F8: variants seen among roughly 807,000 people sequenced by gnomAD.
F8 encodes the protein antihemophilic factor.
F8 carries 12 observed loss-of-function variants against 140.6 expected under a neutral mutation model. The observed-to-expected ratio is 0.09, with a 90% CI of 0.05 to 0.14. The LOEUF (loss-of-function observed/expected upper bound fraction) is 0.14, where lower values mean the gene tolerates loss of function less well. Among genes scored for constraint, F8 ranks in the 10% least tolerant of loss-of-function variants. The pLI is 1.00. For missense variants in F8, 1,354 were observed against 1,720.7 expected (o/e 0.79, Z 3.77); for synonymous variants, 585 against 614.6 (o/e 0.95, Z 0.71).
chrX:154,963,185 T>C (rs188535484), intron 9 of F8, among the ~76,000 whole-genome samples: 240 of 111,674 alleles, frequency 2.1e-3, no homozygotes, highest in Middle Eastern at 0.014. Flanking sequence ...AGGTATTTTA[T>C]TCTCTTTGAA....
chrX:154,900,704 T>A (rs145055431), intron 20 of F8, among the ~76,000 whole-genome samples: 109 of 112,074 alleles, frequency 9.7e-4, no homozygotes, highest in African/African-American at 3.4e-3. Context: ...TTTTTTTACC[T>A]CACAACAACA....
intron 13 of F8, among the ~76,000 whole-genome samples, chrX:154,934,235 A>C (rs782251405): frequency 8.9e-6 from 1 of 112,135 alleles, no homozygotes; most frequent in Admixed American, 9.5e-5. Context: ...GTGGATGCTC[A>C]TGGCTGGCAG....
intron 25 of F8, among the ~76,000 whole-genome samples, chrX:154,842,342 A>C (rs1470498505): frequency 9.0e-6 from 1 of 110,722 alleles, no homozygotes; most frequent in African/African-American, 3.3e-5. Flanking sequence ...TACTTCATTT[A>C]CTTCATATCT....
chrX:154,921,435 T>TA (rs1462989742), intron 14 of F8, among the ~76,000 whole-genome samples: 6 of 112,104 alleles, frequency 5.4e-5, no homozygotes, highest in African/African-American at 1.9e-4. Flanking sequence ...TTGGTGGGAC[T>TA]GTAAACTAGT....
intron 14 of F8, chrX:154,919,536 A>G (rs1377577267): frequency 3.2e-6 from 2 of 621,260 alleles, no homozygotes; most frequent in Admixed American, 8.1e-5. Flanking sequence ...AAACTTGGGC[A>G]GCAGACAATC....
chrX:154,988,821 A>G (rs1168300410), intron 4 of F8, among the ~76,000 whole-genome samples: 4 of 111,735 alleles, frequency 3.6e-5, no homozygotes, highest in African/African-American at 1.3e-4. Context: ...AGCTGTGCTC[A>G]GCTCTCTTTC....
chrX:154,896,230 C>T lies in F8; in HGVS notation c.6276G>A (p.Val2092=), dbSNP rs199522131. The T allele has an allele frequency of 3.8e-5, 46 of 1,207,983 alleles. No homozygotes were observed. In the Admixed American group the frequency reaches 8.8e-4, roughly 23 times the overall value. The stretch of plus-strand genomic sequence containing the variant: ...GAATAATCATTGGTGCCAACAGATC[C>T]ACCTACCAATTAAAATAACACTTTA... ...STKEPFSWIK[V]DLLAPMIIHG... is the part of the protein sequence containing the mutation. Residue 2092 remains valine (V), a splice_region_variant and synonymous_variant, in exon 22 of 26, where the codon GTG becomes GTA. Coordinates refer to ENST00000360256, the MANE Select transcript of F8 (RefSeq NM_000132.4).
chrX:154,854,299 C>T (rs1200169081), intron 25 of F8, among the ~76,000 whole-genome samples: 2 of 112,306 alleles, frequency 1.8e-5, no homozygotes, highest in African/African-American at 6.5e-5. Flanking sequence ...GCAGATTGTT[C>T]TCCCCAGTGT....
rs782126680 is a variant in F8, at chrX:154,969,545, A to G, written c.795T>C (p.Ile265=). 4 of 1,207,529 alleles carry G rather than the reference A, an allele frequency of 3.3e-6. No individual in the cohort carries two copies. The South Asian group carries it at 7.0e-5, about 21-fold the overall frequency. Residue 265 remains isoleucine, a synonymous_variant, in exon 7 of 26, where the codon ATT becomes ATC. Transcript: ENST00000360256. ...AATAGACTGATTTCCTGTGGCATCC[A>G]ATCAGACCTGTAAAGTAGGAATAAG... The part of the protein sequence containing the change: ...GYVNRSLPGL[I]GCHRKSVYWH...
At chrX:155,017,502 G>T (rs1011648094) in intron 1 of F8, among the ~76,000 whole-genome samples, 1 of 112,102 alleles carries the variant, frequency 8.9e-6, no homozygotes, top group South Asian at 3.7e-4. Context: ...AAAATCATAC[G>T]TCTAGATTAT....
chrX:155,002,446 C>T (rs2073651578), intron 1 of F8, among the ~76,000 whole-genome samples: 1 of 111,584 alleles, frequency 9.0e-6, no homozygotes, highest in South Asian at 3.8e-4. Flanking sequence ...TGTGGGTGGG[C>T]ATTATCCATT....
At chrX:154,928,436 TTCTC>T (rs1557278243) in intron 14 of F8, 131 bp downstream of exon 14, 2 of 578,209 alleles carry the variant, frequency 3.5e-6, no homozygotes, top group South Asian at 2.7e-5. Context: ...TAAACCTCTC[TTCTC>T]TCTATCTCAC....
At chrX:155,003,663 A>C (rs2073660068) in intron 1 of F8, among the ~76,000 whole-genome samples, 1 of 111,824 alleles carries the variant, frequency 8.9e-6, no homozygotes, top group Admixed American at 9.5e-5. Context: ...GAGAATACCA[A>C]AGAAGATGGA....
At chrX:154,925,196 G>A (rs1557277966) in intron 14 of F8, among the ~76,000 whole-genome samples, 1 of 112,371 alleles carries the variant, frequency 8.9e-6, no homozygotes, top group Non-Finnish European at 1.9e-5. Flanking sequence ...GAAACTGAAT[G>A]CCCTTAATAG....
intron 10 of F8, among the ~76,000 whole-genome samples, chrX:154,959,299 T>C (rs76063559): frequency 0.078 from 8,602 of 110,801 alleles, 275 homozygotes; most frequent in Non-Finnish European, 0.093. Context: ...AGTGGGAGGA[T>C]AGCCTGAGCC....
intron 14 of F8, among the ~76,000 whole-genome samples, chrX:154,908,303 G>C (rs935187695): frequency 1.8e-5 from 2 of 112,180 alleles, no homozygotes; most frequent in Non-Finnish European, 3.8e-5. Context: ...TTACCTGTTT[G>C]ATTATCCCTA....
At chrX:154,995,220 G>A (rs782524568) in intron 3 of F8, among the ~76,000 whole-genome samples, 9 of 111,899 alleles carry the variant, frequency 8.0e-5, no homozygotes, top group Non-Finnish European at 1.7e-4. Context: ...CAAGGCTCAC[G>A]TTGTGGTGGG....
intron 22 of F8, among the ~76,000 whole-genome samples, chrX:154,894,312 TCAA>T (rs1272180806): frequency 8.9e-6 from 1 of 112,715 alleles, no homozygotes; most frequent in Non-Finnish European, 1.9e-5. Context: ...TTTATAGAGT[TCAA>T]CACTTTTTGT....
intron 25 of F8, among the ~76,000 whole-genome samples, chrX:154,859,395 C>T (rs890519447): frequency 9.3e-6 from 1 of 107,567 alleles, no homozygotes; most frequent in Non-Finnish European, 1.9e-5. Context: ...CTCTGCCTCC[C>T]GGGTTCATGC....
Sources: gnomAD v4.1 joint callset for allele counts (sites outside exome capture counted in the v4.1 genomes callset) on GRCh38, gnomAD v4.1.1 for gene constraint, MANE v1.5 for transcripts, NCBI Gene and HGNC (gene_info 2026-07-23, HGNC 2026-07-21) for gene names.